VAV2: variants seen among roughly 807,000 people sequenced by gnomAD.
VAV2 encodes the protein vav guanine nucleotide exchange factor 2.
VAV2 carries 67 observed loss-of-function variants against 132.5 expected under a neutral mutation model. The ratio of observed to expected loss-of-function variants is 0.51; its 90% CI spans 0.42 to 0.62. The LOEUF (loss-of-function observed/expected upper bound fraction) is 0.62, where lower values mean the gene tolerates loss of function less well. Among genes scored for constraint, VAV2 ranks in the 20% least tolerant of loss-of-function variants. The pLI, the probability that VAV2 is intolerant of heterozygous loss-of-function variation, is 0.00. For missense variants in VAV2, 938 were observed against 1,153.6 expected, an observed-to-expected ratio of 0.81 and a Z score of 2.71; for synonymous variants, 492 against 443.5, an observed-to-expected ratio of 1.11 and a Z score of -1.37.
chr9:133,839,461 T>G (rs1315060818), intron 3 of VAV2, among the ~76,000 whole-genome samples: 1 of 151,622 alleles, frequency 6.6e-6, no homozygotes, highest in Non-Finnish European at 1.5e-5. Context: ...GTTTTTTTTT[T>G]TTTTTTTGAG....
In VAV2 at chr9:133,944,500, G is replaced by C. The variant is rs562280039; in HGVS notation, c.205-5281C>G. On this transcript the variant is annotated intron_variant, in intron 1 of 29. Transcript: ENST00000371850. ...TGGTGATGGAGTAATAGCAGAGCCTGACAATGACCACAGGCAGGGAGGATG... is the reference window on the plus strand; with the variant it reads ...TGGTGATGGAGTAATAGCAGAGCCTCACAATGACCACAGGCAGGGAGGATG... Among the ~76,000 whole-genome samples the C allele has an allele frequency of 4.6e-5, 7 of 152,332 alleles. No individual in the cohort carries two copies. The South Asian group carries it at 1.0e-3, about 23-fold the overall frequency.
At chr9:133,867,635 C>T (rs903614272) in intron 2 of VAV2, among the ~76,000 whole-genome samples, 4 of 152,270 alleles carry the variant, frequency 2.6e-5, no homozygotes, top group Non-Finnish European at 4.4e-5. Flanking sequence ...AGAGTAGCAG[C>T]AGCCAATGGC....
chr9:133,883,025 C>T lies in VAV2; in HGVS notation c.322-21593G>A, dbSNP rs1214893679. Among the ~76,000 whole-genome samples, 2 of 152,160 alleles carry T rather than the reference C, an allele frequency of 1.3e-5. No homozygotes were observed. Among genetic ancestry groups the T allele is most frequent in the African/African-American group, 4.8e-5 (2 of 41,446 alleles). On this transcript the variant is annotated intron_variant, in intron 2 of 29. Transcript: ENST00000371850. The surrounding 1 kb of genome is among the most constrained non-coding windows in gnomAD (Gnocchi z 4.2). ...TCGGGATGTGGGCCCCACACCCACC[C>T]CATGCCAGGCTTGGCCCCCTAATGG... is the stretch of plus-strand genomic sequence containing the variant.
intron 2 of VAV2, among the ~76,000 whole-genome samples, chr9:133,880,029 G>A (rs550321179): frequency 2.0e-5 from 3 of 152,310 alleles, no homozygotes; most frequent in African/African-American, 7.2e-5. Flanking sequence ...TGAGAGTGAG[G>A]ACACGGATAA....
Position 133,788,415 on chromosome 9 carries a change from A to T in VAV2, c.1346T>A (p.Ile449Asn), listed in dbSNP as rs1301583073. 3.7e-6 allele frequency: 6 copies of T among 1,612,086 alleles called. No homozygotes were observed. Among genetic ancestry groups the T allele is most frequent in the Non-Finnish European group, 5.1e-6 (6 of 1,178,504 alleles). ...RKGYSYELKE[I>N]IELLFHKMTD... ...CATCTTGTGGAACAGCAGCTCGATGATCTCCTTGAGCTCGTAGCTGTAGCC... is the reference window on the plus strand; with the variant it reads ...CATCTTGTGGAACAGCAGCTCGATGTTCTCCTTGAGCTCGTAGCTGTAGCC... Residue 449 changes from isoleucine to asparagine, a missense_variant, in exon 15 of 30, where the codon ATC becomes AAC. Ile to Asn is a moderately radical substitution (Grantham distance 149). Transcript: ENST00000371850. The surrounding 1 kb of genome is among the most constrained non-coding windows in gnomAD (Gnocchi z 5.3).
chr9:133,898,658 G>A (rs1294068794), intron 2 of VAV2, among the ~76,000 whole-genome samples: 1 of 152,156 alleles, frequency 6.6e-6, no homozygotes, highest in Non-Finnish European at 1.5e-5. Context: ...AAAATCATCA[G>A]TTGAATGGCG....
At chr9:133,973,295 GA>G (rs1467601917) in intron 1 of VAV2, among the ~76,000 whole-genome samples, 1 of 152,148 alleles carries the variant, frequency 6.6e-6, no homozygotes. Flanking sequence ...CTCTGCACAG[GA>G]AAAACTGGCG....
At chr9:133,921,755 C>T (rs1012768525) in intron 2 of VAV2, among the ~76,000 whole-genome samples, 3 of 152,226 alleles carry the variant, frequency 2.0e-5, no homozygotes, top group African/African-American at 4.8e-5. Flanking sequence ...TGGAGGGGCT[C>T]GGCCACACAC....
chr9:133,913,856 A>G (rs1482921544), intron 2 of VAV2, among the ~76,000 whole-genome samples: 1 of 152,216 alleles, frequency 6.6e-6, no homozygotes, highest in African/African-American at 2.4e-5. Context: ...GCAGGTGAGC[A>G]AAGGAGGAGC....
At position 133,768,408 on chromosome 9, in the gene VAV2, G is replaced by A; in HGVS notation, c.2589+34C>T. On this transcript the variant is annotated intron_variant, in intron 29 of 29. Coordinates refer to ENST00000371850, the MANE Select transcript of VAV2 (RefSeq NM_001134398.2). The surrounding 1 kb of genome is among the most constrained non-coding windows in gnomAD (Gnocchi z 5.3). Reference sequence around the variant, plus strand: ...CCGACCAGGTAGGGGCTGCAGCGAGGCCAGCCCCACACCCTCAGGGTGGGG... The same window carrying A: ...CCGACCAGGTAGGGGCTGCAGCGAGACCAGCCCCACACCCTCAGGGTGGGG... The A allele has an allele frequency of 4.4e-6, 7 of 1,604,780 alleles. No individual in the cohort carries two copies. Among genetic ancestry groups the A allele is most frequent in the Non-Finnish European group, 5.1e-6 (6 of 1,177,260 alleles).
chr9:133,893,205 G>A (rs1169846451), intron 2 of VAV2, among the ~76,000 whole-genome samples: 1 of 152,212 alleles, frequency 6.6e-6, no homozygotes, highest in African/African-American at 2.4e-5. Context: ...CTCTAAAGGT[G>A]GGAGTCTGAC....
At chr9:133,866,647 T>C (rs1022925886) in intron 2 of VAV2, among the ~76,000 whole-genome samples, 30 of 151,866 alleles carry the variant, frequency 2.0e-4, no homozygotes, top group African/African-American at 6.5e-4. Context: ...CTATTAGGAA[T>C]ACAAAAAAAT....
chr9:133,955,350 G>A (rs1036091688), intron 1 of VAV2, among the ~76,000 whole-genome samples: 3 of 151,416 alleles, frequency 2.0e-5, no homozygotes, highest in African/African-American at 4.9e-5. Context: ...AAGCTGAGTC[G>A]GAAGCACGGT....
At chr9:133,806,822 C>A (rs533834180) in intron 8 of VAV2, among the ~76,000 whole-genome samples, 1 of 152,252 alleles carries the variant, frequency 6.6e-6, no homozygotes, top group Non-Finnish European at 1.5e-5. Context: ...GCACGGCTGC[C>A]GGAGCCTGGT....
chr9:133,774,861 T>C, intron 25 of VAV2, 74 bp downstream of exon 25: 2 of 1,350,926 alleles, frequency 1.5e-6, no homozygotes, highest in Non-Finnish European at 2.1e-6. Context: ...GCTCAGGACG[T>C]GGAGAGGATG....
At chr9:133,927,565 G>C (rs1398813161) in intron 2 of VAV2, among the ~76,000 whole-genome samples, 1 of 152,070 alleles carries the variant, frequency 6.6e-6, no homozygotes, top group Non-Finnish European at 1.5e-5. Flanking sequence ...TTGAGGTCTT[G>C]GCCACACACC....
Position 133,840,313 on chromosome 9 carries a change from A to G in VAV2, c.381-5973T>C, listed in dbSNP as rs1289576372. On this transcript the variant is annotated intron_variant, in intron 3 of 29. Coordinates refer to ENST00000371850, the MANE Select transcript of VAV2 (RefSeq NM_001134398.2). This position sits in a 1 kb window ranked among gnomAD's most constrained non-coding sequence, Gnocchi z 4.5. ...CCGCACAGGAAGCAGAGAAGCCCCA[A>G]GTGCTGAGTGCAGAGAAATCCCCAG... 6.6e-6 allele frequency among the ~76,000 whole-genome samples: 1 copy of G among 152,176 alleles called. No individual in the cohort carries two copies. The highest frequency in any genetic ancestry group is 1.5e-5 in the Non-Finnish European group (1 of 68,034).
At chr9:133,854,702 C>A (rs73555907) in intron 3 of VAV2, among the ~76,000 whole-genome samples, 4,123 of 152,344 alleles carry the variant, frequency 0.027, 177 homozygotes, top group African/African-American at 0.093. Flanking sequence ...CTTCTGACCT[C>A]CCCTCCCCAG....
rs139905718 is a variant in VAV2 at position 133,919,815 on chromosome 9, G to A, written c.321+19288C>T. Among the ~76,000 whole-genome samples, 1,425 of 152,162 alleles carry A rather than the reference G, an allele frequency of 9.4e-3. 18 individuals carry two copies. Among genetic ancestry groups the A allele is most frequent in the African/African-American group, 0.031 (1,289 of 41,518 alleles). The stretch of plus-strand genomic sequence containing the variant: ...GAAGATGGAAGGTCCCCGCTGCCCC[G>A]ACTGTCCCTGCCGCCCCGGCCACCC... On this transcript the variant is annotated intron_variant, in intron 2 of 29. Coordinates refer to ENST00000371850, the MANE Select transcript of VAV2 (RefSeq NM_001134398.2). This position sits in a 1 kb window ranked among gnomAD's most constrained non-coding sequence, Gnocchi z 5.8.
Sources: gnomAD v4.1 joint callset for allele counts (sites outside exome capture counted in the v4.1 genomes callset) on GRCh38, gnomAD v4.1.1 for gene constraint, Gnocchi (gnomAD v3.1) non-coding constraint, MANE v1.5 for transcripts, NCBI Gene and HGNC (gene_info 2026-07-23, HGNC 2026-07-21) for gene names.